Variants in SLC35F1 observed in about 807,000 individuals in gnomAD.
The protein encoded by SLC35F1 is solute carrier family 35 member F1, also known as chromosome 6 open reading frame 169.
In SLC35F1, 14 loss-of-function variants were observed where a neutral mutation model predicts 48.7. The observed-to-expected ratio is 0.29, with a 90% CI of 0.19 to 0.45. The LOEUF (loss-of-function observed/expected upper bound fraction) is 0.45. Ranked by LOEUF, SLC35F1 falls within the 20% of genes least tolerant of loss-of-function variation. The pLI is 1.00. For synonymous variants in SLC35F1, 190 were observed against 202.2 expected (o/e 0.94, Z 0.51); for missense variants, 404 against 500.0 (o/e 0.81, Z 1.83).
At chr6:118,109,517 C>T (rs1473935810) in intron 1 of SLC35F1, among the ~76,000 whole-genome samples, 2 of 152,128 alleles carry the variant, frequency 1.3e-5, no homozygotes, top group Admixed American at 6.6e-5. Flanking sequence ...CATAGGCAAG[C>T]TCAAATTCAG....
At chr6:118,254,701 A>C (rs1197103444) in intron 3 of SLC35F1, among the ~76,000 whole-genome samples, 1 of 152,260 alleles carries the variant, frequency 6.6e-6, no homozygotes, top group Non-Finnish European at 1.5e-5. Context: ...GAGAGGAATC[A>C]AAAGTAATGC....
At chr6:118,268,600 A>ATATTTT (rs1562345482) in intron 4 of SLC35F1, among the ~76,000 whole-genome samples, 1 of 87,886 alleles carries the variant, frequency 1.1e-5, no homozygotes, top group Non-Finnish European at 2.1e-5. Context: ...ATATATATAT[A>ATATTTT]TTTTTTTTTT....
chr6:118,116,815 A>C (rs1264756998), intron 1 of SLC35F1, among the ~76,000 whole-genome samples: 1 of 152,196 alleles, frequency 6.6e-6, no homozygotes, highest in Non-Finnish European at 1.5e-5. Flanking sequence ...CTGAAACTGC[A>C]GATAGGAGAC....
At chr6:118,085,240 T>A (rs1228143341) in intron 1 of SLC35F1, among the ~76,000 whole-genome samples, 1 of 152,152 alleles carries the variant, frequency 6.6e-6, no homozygotes, top group Non-Finnish European at 1.5e-5. Flanking sequence ...TCTAGGAGTC[T>A]CCTCAACAAG....
intron 1 of SLC35F1, among the ~76,000 whole-genome samples, chr6:117,941,455 T>C (rs950828714): frequency 6.6e-6 from 1 of 152,216 alleles, no homozygotes; most frequent in African/African-American, 2.4e-5. Flanking sequence ...GATGAAACTA[T>C]GAAGCCAAAG....
intron 1 of SLC35F1, among the ~76,000 whole-genome samples, chr6:118,010,686 T>G (rs1459820616): frequency 6.6e-6 from 1 of 152,192 alleles, no homozygotes; most frequent in African/African-American, 2.4e-5. Flanking sequence ...ATTATTGTTT[T>G]GGGGGTTTTA....
chr6:118,171,246 G>A (rs1353917482), intron 2 of SLC35F1, among the ~76,000 whole-genome samples: 1 of 152,006 alleles, frequency 6.6e-6, no homozygotes, highest in East Asian at 1.9e-4. Context: ...TGCCATGTTG[G>A]CTAGGCTGGT....
intron 2 of SLC35F1, among the ~76,000 whole-genome samples, chr6:118,181,079 G>A (rs1472768151): frequency 1.3e-5 from 2 of 151,736 alleles, no homozygotes; most frequent in African/African-American, 4.8e-5. Flanking sequence ...TAAAAAAGAG[G>A]GTATATTGAA....
intron 2 of SLC35F1, among the ~76,000 whole-genome samples, chr6:118,163,365 G>A (rs1235662636): frequency 6.6e-6 from 1 of 151,722 alleles, no homozygotes; most frequent in Non-Finnish European, 1.5e-5. Flanking sequence ...ACATGAATAT[G>A]TAACACCATC....
chr6:117,954,003 G>A (rs1191423601), intron 1 of SLC35F1, among the ~76,000 whole-genome samples: 1 of 152,144 alleles, frequency 6.6e-6, no homozygotes, highest in Non-Finnish European at 1.5e-5. Context: ...AGAATCTTCA[G>A]CCTTATAGAT....
chr6:118,224,349 A>G (rs996516838), intron 2 of SLC35F1, among the ~76,000 whole-genome samples: 1 of 152,196 alleles, frequency 6.6e-6, no homozygotes, highest in African/African-American at 2.4e-5. Flanking sequence ...AATCACATAC[A>G]TTGTTTTAAA....
intron 3 of SLC35F1, among the ~76,000 whole-genome samples, chr6:118,237,172 A>G (rs779420409): frequency 7.2e-5 from 11 of 152,186 alleles, no homozygotes; most frequent in Non-Finnish European, 1.2e-4. Flanking sequence ...TGACTTTTTT[A>G]AAGTTAATTT....
At chr6:117,987,026 T>C (rs1415814857) in intron 1 of SLC35F1, among the ~76,000 whole-genome samples, 2 of 152,186 alleles carry the variant, frequency 1.3e-5, no homozygotes, top group Non-Finnish European at 2.9e-5. Context: ...TCAGATAAAC[T>C]GCCAGGGTTG....
chr6:118,058,384 G>T (rs1486693164), intron 1 of SLC35F1, among the ~76,000 whole-genome samples: 2 of 152,092 alleles, frequency 1.3e-5, no homozygotes, highest in African/African-American at 4.8e-5. Flanking sequence ...TTTAACTTAA[G>T]AACTCATCTT....
chr6:118,193,550 T>C (rs575777313), intron 2 of SLC35F1, among the ~76,000 whole-genome samples: 2 of 152,310 alleles, frequency 1.3e-5, no homozygotes, highest in African/African-American at 4.8e-5. Flanking sequence ...TTTTTATGCA[T>C]TCTTATAGTC....
At chr6:118,066,809 G>A (rs568617414) in intron 1 of SLC35F1, among the ~76,000 whole-genome samples, 9 of 147,422 alleles carry the variant, frequency 6.1e-5, no homozygotes, top group African/African-American at 1.5e-4. Flanking sequence ...GCAATGGCGC[G>A]ATCTCGGCTA....
intron 6 of SLC35F1, among the ~76,000 whole-genome samples, chr6:118,277,869 A>G (rs558083201): frequency 2.0e-5 from 3 of 152,340 alleles, no homozygotes; most frequent in African/African-American, 7.2e-5. Flanking sequence ...AGTGACAGCA[A>G]TTTGCCTTAG....
At chr6:117,971,606 T>C (rs957623844) in intron 1 of SLC35F1, among the ~76,000 whole-genome samples, 22 of 152,222 alleles carry the variant, frequency 1.4e-4, no homozygotes, top group Non-Finnish European at 3.1e-4. Flanking sequence ...ATCCAGTCAT[T>C]TCCATACATC....
chr6:118,124,423 C>T (rs1334838), intron 1 of SLC35F1, among the ~76,000 whole-genome samples: 49,849 of 152,002 alleles, frequency 0.33, 9,250 homozygotes, highest in Non-Finnish European at 0.43. Context: ...CTGAATTGTG[C>T]TCTTCAGTCT....
Sources: allele counts gnomAD v4.1 joint callset (sites outside exome capture counted in the v4.1 genomes callset), GRCh38; gene constraint gnomAD v4.1.1; transcripts MANE v1.5; gene names NCBI Gene and HGNC (gene_info 2026-07-23, HGNC 2026-07-21).